NFIX: variants seen among roughly 807,000 people sequenced by gnomAD.
NFIX encodes the protein nuclear factor 1 X-type.
In NFIX, 2 loss-of-function variants were observed where a neutral mutation model predicts 53.3. The ratio of observed to expected loss-of-function variants is 0.04; its 90% CI spans 0.02 to 0.12. The LOEUF is 0.12. Among genes scored for constraint, NFIX ranks in the 10% least tolerant of loss-of-function variants. NFIX has a pLI of 1.00. For missense variants in NFIX, 310 were observed against 674.5 expected (o/e 0.46, Z 5.99); for synonymous variants, 244 against 289.0 (o/e 0.84, Z 1.58).
intron 2 of NFIX, among the ~76,000 whole-genome samples, chr19:13,038,805 G>A (rs543784942): frequency 3.5e-4 from 54 of 152,308 alleles, no homozygotes; most frequent in African/African-American, 1.2e-3. Flanking sequence ...TGGTGGTGGC[G>A]CAGTGGTCTG....
At position 13,078,839 on chromosome 19, in the gene NFIX, C is replaced by G. The variant is rs1006579766; in HGVS notation, c.1078+104C>G. On this transcript the variant is annotated intron_variant, in intron 7 of 10. Transcript: ENST00000592199. This position sits in a 1 kb window ranked among gnomAD's most constrained non-coding sequence, Gnocchi z 4.7. ...CCAGAGCTGACCCCGAGTGACAGCC[C>G]CACGCTCTCCAAGTGGGCCAAGGTG... 7.5e-7 allele frequency: 1 copy of G among 1,329,406 alleles called. No homozygotes were observed. Among genetic ancestry groups the G allele is most frequent in the African/African-American group, 1.6e-5 (1 of 62,914 alleles). The allele number at this position is 1,329,406 out of a possible 1,614,324, so 82.4% of individuals were successfully genotyped here.
In NFIX at chr19:13,081,920, G is replaced by T; in HGVS notation, c.1254+65G>T. ...TCTCCACATCTATCTGTCTGTCTCAGGGCTCACAGGGAGAGGGCCCAAAAG... is the reference window on the plus strand; with the variant it reads ...TCTCCACATCTATCTGTCTGTCTCATGGCTCACAGGGAGAGGGCCCAAAAG... On this transcript the variant is annotated intron_variant, in intron 8 of 10. Transcript: ENST00000592199. This position sits in a 1 kb window ranked among gnomAD's most constrained non-coding sequence, Gnocchi z 4.7. 1.3e-6 allele frequency: 2 copies of T among 1,575,868 alleles called. No individual in the cohort carries two copies. Among genetic ancestry groups the T allele is most frequent in the Non-Finnish European group, 1.7e-6 (2 of 1,156,346 alleles).
At chr19:13,042,489 G>T (rs2145274894) in intron 2 of NFIX, among the ~76,000 whole-genome samples, 1 of 151,248 alleles carries the variant, frequency 6.6e-6, no homozygotes, top group Non-Finnish European at 1.5e-5. Context: ...GGAGAAGCTG[G>T]GTTTACAGGT....
rs987144386 is a variant in NFIX, at chr19:13,094,801, C to T, written c.*152C>T. 3 of 799,124 alleles carry T rather than the reference C, an allele frequency of 3.8e-6. No individual in the cohort carries two copies. Among genetic ancestry groups the T allele is most frequent in the Non-Finnish European group, 5.9e-6 (3 of 507,964 alleles). 49.5% of individuals were successfully genotyped at this position (799,124 alleles called of 1,614,324 possible). The stretch of plus-strand genomic sequence containing the variant: ...GTCAGCCACTCAGCCCTTCTCTCCT[C>T]CAGCCCGGGGACCCCCGCGGGCCCC... On this transcript the variant is annotated 3_prime_UTR_variant, in exon 11 of 11. Coordinates refer to ENST00000592199, the MANE Select transcript of NFIX (RefSeq NM_001365902.3). The surrounding 1 kb of genome is among the most constrained non-coding windows in gnomAD (Gnocchi z 4.3).
In NFIX at chr19:13,045,699, G is replaced by A. The variant is rs1394132634; in HGVS notation, c.559+20147G>A. ...GACAACTGCACTGTGTTGACCCCAT[G>A]GCGGGCATCAGGGGACCACAGGCTG... is the stretch of plus-strand genomic sequence containing the variant. On this transcript the variant is annotated intron_variant, in intron 2 of 10. Transcript: ENST00000592199. The surrounding 1 kb of genome is among the most constrained non-coding windows in gnomAD (Gnocchi z 4.4). Among the ~76,000 whole-genome samples the A allele has an allele frequency of 2.0e-5, 3 of 152,178 alleles. No individual in the cohort carries two copies. The highest frequency in any genetic ancestry group is 4.4e-5 in the Non-Finnish European group (3 of 68,010).
Position 13,068,846 on chromosome 19 carries a change from C to A in NFIX, c.560-4201C>A, listed in dbSNP as rs530046994. Among the ~76,000 whole-genome samples the A allele has an allele frequency of 1.3e-5, 2 of 152,346 alleles. No individual in the cohort carries two copies. Among genetic ancestry groups the A allele is most frequent in the South Asian group, 2.1e-4 (1 of 4,834 alleles). On this transcript the variant is annotated intron_variant, in intron 2 of 10. Coordinates refer to ENST00000592199, the MANE Select transcript of NFIX (RefSeq NM_001365902.3). This position sits in a 1 kb window ranked among gnomAD's most constrained non-coding sequence, Gnocchi z 4.2. ...AGCCCAGGTCCCCAGAGAAGGACAGCCCGCAGAGCTGCGTGTTTGTGTGAC... is the reference window on the plus strand; with the variant it reads ...AGCCCAGGTCCCCAGAGAAGGACAGACCGCAGAGCTGCGTGTTTGTGTGAC...
rs2012394113 is a variant in NFIX, at chr19:13,012,240, A to C, written c.28-12781A>C. The C allele has an allele frequency of 6.6e-6, 1 of 152,256 alleles. No homozygotes were observed. The highest frequency in any genetic ancestry group is 2.4e-5 in the African/African-American group (1 of 41,432). 9.4% of individuals were successfully genotyped at this position (152,256 alleles called of 1,614,324 possible). On this transcript the variant is annotated intron_variant, in intron 1 of 10. Transcript: ENST00000592199. This position sits in a 1 kb window ranked among gnomAD's most constrained non-coding sequence, Gnocchi z 5.0. ...GAACCGCCATGGGTGCTGAGTGGAG[A>C]GTGGGGACCGCGGACCCCGGGGGCA...
Position 13,093,003 on chromosome 19 carries a change from C to G in NFIX, c.1495-1632C>G, listed in dbSNP as rs2018237486. Among the ~76,000 whole-genome samples, 2 of 152,234 alleles carry G rather than the reference C, an allele frequency of 1.3e-5. No individual in the cohort carries two copies. Among genetic ancestry groups the G allele is most frequent in the South Asian group, 4.1e-4 (2 of 4,836 alleles). ...CAGGAAATTTAGCATTTCTGCCCACCCAGCAGCGCCTGCTCATTGTGGCAA... is the reference window on the plus strand; with the variant it reads ...CAGGAAATTTAGCATTTCTGCCCACGCAGCAGCGCCTGCTCATTGTGGCAA... On this transcript the variant is annotated intron_variant, in intron 10 of 10. Transcript: ENST00000592199. This position sits in a 1 kb window ranked among gnomAD's most constrained non-coding sequence, Gnocchi z 4.7.
chr19:12,996,515 G>A lies in NFIX; in HGVS notation c.27+651G>A, dbSNP rs1204393289. On this transcript the variant is annotated intron_variant, in intron 1 of 10. Coordinates refer to ENST00000592199, the MANE Select transcript of NFIX (RefSeq NM_001365902.3). This position sits in a 1 kb window ranked among gnomAD's most constrained non-coding sequence, Gnocchi z 5.2. ...TGGCGGGGCTCCCAAATTTCGGAGG[G>A]GCAGGGGAGGGGAGAGGGGGGCGGG... 6.6e-6 allele frequency among the ~76,000 whole-genome samples: 1 copy of A among 152,044 alleles called. No individual in the cohort carries two copies. The highest frequency in any genetic ancestry group is 1.5e-5 in the Non-Finnish European group (1 of 67,966).
rs757237070 is a variant in NFIX at position 13,075,565 on chromosome 19, C to T, written c.849C>T (p.Asp283=). 2 of 1,613,670 alleles carry T rather than the reference C, an allele frequency of 1.2e-6. No individual in the cohort carries two copies. Among genetic ancestry groups the T allele is most frequent in the South Asian group, 1.1e-5 (1 of 91,020 alleles). The change falls in exon 6 of 11, where the codon GAC becomes GAT. Residue 283 remains aspartate, a synonymous_variant. Transcript: ENST00000592199. ...STTKRPKSID[D]SEMESPVDDV... Reference sequence around the variant, plus strand: ...CCAAGCGCCCCAAGTCCATCGATGACAGTGAGATGGAGAGCCCTGTTGATG... The same window carrying T: ...CCAAGCGCCCCAAGTCCATCGATGATAGTGAGATGGAGAGCCCTGTTGATG...
In NFIX at chr19:13,028,730, T is replaced by C. The variant is rs1268287573; in HGVS notation, c.559+3178T>C. 6.6e-6 allele frequency among the ~76,000 whole-genome samples: 1 copy of C among 151,992 alleles called. No homozygotes were observed. Among genetic ancestry groups the C allele is most frequent in the Non-Finnish European group, 1.5e-5 (1 of 67,982 alleles). ...GGAGGGTATCCATTTCCTGGTGATA[T>C]CCTTCCATTCAAAGCGGGTATCCCA... is the stretch of plus-strand genomic sequence containing the variant. On this transcript the variant is annotated intron_variant, in intron 2 of 10. Transcript: ENST00000592199. The surrounding 1 kb of genome is among the most constrained non-coding windows in gnomAD (Gnocchi z 4.2).
Position 13,045,374 on chromosome 19 carries a change from G to A in NFIX, c.559+19822G>A, listed in dbSNP as rs145919696. Among the ~76,000 whole-genome samples, 410 of 152,108 alleles carry A rather than the reference G, an allele frequency of 2.7e-3. 6 individuals are homozygous for A. Among genetic ancestry groups the A allele is most frequent in the African/African-American group, 9.6e-3 (398 of 41,490 alleles). ...TTGGTAGTGGCTGAAAACAGTTTTG[G>A]TTGTCACTACTTGGGATGGGGTTGC... On this transcript the variant is annotated intron_variant, in intron 2 of 10. Coordinates refer to ENST00000592199, the MANE Select transcript of NFIX (RefSeq NM_001365902.3). The surrounding 1 kb of genome is among the most constrained non-coding windows in gnomAD (Gnocchi z 4.4).
At chr19:13,087,185 A>G (rs912657773) in intron 8 of NFIX, among the ~76,000 whole-genome samples, 3 of 152,220 alleles carry the variant, frequency 2.0e-5, no homozygotes, top group Non-Finnish European at 4.4e-5. Context: ...TCCTGAAGCC[A>G]GAAGGCCAAC....
chr19:13,023,687 A>T lies in NFIX; in HGVS notation c.28-1334A>T, dbSNP rs1058993. ...CACAGGGGAAGAAATTGAAAAAAAA[A>T]TTTTGTTGGCTTTTGTTTACCTGGC... On this transcript the variant is annotated intron_variant, in intron 1 of 10. Transcript: ENST00000592199. 0.029 allele frequency among the ~76,000 whole-genome samples: 4,198 copies of T among 145,980 alleles called. 71 individuals carry two copies. Among genetic ancestry groups the T allele is most frequent in the Middle Eastern group, 0.091 (22 of 242 alleles).
chr19:13,002,162 G>T lies in NFIX; in HGVS notation c.27+6298G>T, dbSNP rs2011741355. Among the ~76,000 whole-genome samples, 1 of 151,768 alleles carries T rather than the reference G, an allele frequency of 6.6e-6. No individual in the cohort carries two copies. The highest frequency in any genetic ancestry group is 1.5e-5 in the Non-Finnish European group (1 of 67,892). ...ATCCCTCCGAGGCTCTGAGGGCGCG[G>T]ATTTGGAAACTGAGGTCCCCCCTTC... On this transcript the variant is annotated intron_variant, in intron 1 of 10. Transcript: ENST00000592199. The surrounding 1 kb of genome is among the most constrained non-coding windows in gnomAD (Gnocchi z 6.1).
chr19:13,094,047 T>G lies in NFIX; in HGVS notation c.1495-588T>G, dbSNP rs951503577. 6.6e-6 allele frequency among the ~76,000 whole-genome samples: 1 copy of G among 152,112 alleles called. No individual in the cohort carries two copies. The highest frequency in any genetic ancestry group is 1.5e-5 in the Non-Finnish European group (1 of 68,006). Reference sequence around the variant, plus strand: ...TGTCTGGTGCCCTGAGGGTAGAGGATCCAGCACCATGGGCTACGTGGCCCC... The same window carrying G: ...TGTCTGGTGCCCTGAGGGTAGAGGAGCCAGCACCATGGGCTACGTGGCCCC... On this transcript the variant is annotated intron_variant, in intron 10 of 10. Coordinates refer to ENST00000592199, the MANE Select transcript of NFIX (RefSeq NM_001365902.3). The surrounding 1 kb of genome is among the most constrained non-coding windows in gnomAD (Gnocchi z 4.3).
At chr19:13,032,490 G>A (rs575316500) in intron 2 of NFIX, among the ~76,000 whole-genome samples, 1 of 152,324 alleles carries the variant, frequency 6.6e-6, no homozygotes, top group South Asian at 2.1e-4. Context: ...CACAGCTGTG[G>A]ATTTGCACAG....
In NFIX at chr19:13,009,375, G is replaced by A. The variant is rs2012205770; in HGVS notation, c.27+13511G>A. 6.6e-6 allele frequency among the ~76,000 whole-genome samples: 1 copy of A among 152,334 alleles called. No homozygotes were observed. The highest frequency in any genetic ancestry group is 2.1e-4 in the South Asian group (1 of 4,832). On this transcript the variant is annotated intron_variant, in intron 1 of 10. Transcript: ENST00000592199. The surrounding 1 kb of genome is among the most constrained non-coding windows in gnomAD (Gnocchi z 4.7). ...CCCTCCCAACACGAGGCAGGTATGA[G>A]TAACCTGTTTTACAGATGAGGAAAC...
chr19:13,016,129 C>T (rs140088969), intron 1 of NFIX, among the ~76,000 whole-genome samples: 1 of 152,050 alleles, frequency 6.6e-6, no homozygotes, highest in Non-Finnish European at 1.5e-5. Context: ...ACTTTTTATA[C>T]CTGCCTTGCT....
Sources: gnomAD v4.1 joint callset for allele counts (sites outside exome capture counted in the v4.1 genomes callset) on GRCh38, gnomAD v4.1.1 for gene constraint, Gnocchi (gnomAD v3.1) non-coding constraint, MANE v1.5 for transcripts, NCBI Gene and HGNC (gene_info 2026-07-23, HGNC 2026-07-21) for gene names.